Variants in RCAN2 observed in about 807,000 individuals in gnomAD.
The protein encoded by RCAN2 is regulator of calcineurin 2, also known as calcipressin-2.
A neutral mutation model predicts 23.6 loss-of-function variants in RCAN2; 9 were observed. The observed-to-expected ratio is 0.38, with a 90% CI of 0.23 to 0.67. The LOEUF is 0.67. RCAN2 is among the 30% of genes least tolerant of loss of function. The pLI, the probability that RCAN2 is intolerant of heterozygous loss-of-function variation, is 0.51. For missense variants in RCAN2, 273 were observed against 302.3 expected (o/e 0.90, Z 0.72); for synonymous variants, 109 against 115.7 (o/e 0.94, Z 0.37).
intron 2 of RCAN2, among the ~76,000 whole-genome samples, chr6:46,334,646 G>A (rs941651514): frequency 6.6e-6 from 1 of 152,140 alleles, no homozygotes; most frequent in East Asian, 1.9e-4. Flanking sequence ...CACATTCTCC[G>A]CATTGTGTAG....
chr6:46,378,943 C>A (rs544547180), intron 2 of RCAN2, among the ~76,000 whole-genome samples: 1 of 152,144 alleles, frequency 6.6e-6, no homozygotes, highest in Non-Finnish European at 1.5e-5. Context: ...GGTTCTGAAC[C>A]TAACATGCAC....
chr6:46,458,566 A>G (rs1295887588), intron 1 of RCAN2, among the ~76,000 whole-genome samples: 1 of 152,138 alleles, frequency 6.6e-6, no homozygotes, highest in Non-Finnish European at 1.5e-5. Flanking sequence ...GCGCATTTCC[A>G]TATTTAAATC....
At chr6:46,346,652 A>C (rs1305701899) in intron 2 of RCAN2, among the ~76,000 whole-genome samples, 1 of 152,100 alleles carries the variant, frequency 6.6e-6, no homozygotes, top group East Asian at 1.9e-4. Flanking sequence ...TTATATAGTC[A>C]GATCCTGTTA....
intron 2 of RCAN2, among the ~76,000 whole-genome samples, chr6:46,257,810 T>A (rs1321901578): frequency 6.6e-6 from 1 of 152,128 alleles, no homozygotes; most frequent in Non-Finnish European, 1.5e-5. Flanking sequence ...GTCACACAAC[T>A]AGCCAGTTAG....
intron 2 of RCAN2, among the ~76,000 whole-genome samples, chr6:46,270,305 T>C (rs1366895882): frequency 1.3e-5 from 2 of 152,180 alleles, no homozygotes; most frequent in South Asian, 2.1e-4. Flanking sequence ...GGGACCTTGC[T>C]GAGGGGCAAT....
At position 46,249,313 on chromosome 6, in the gene RCAN2, CTTTCTT is replaced by C. The variant is rs1464204000; in HGVS notation, c.226-423_226-418del. The stretch of plus-strand genomic sequence containing the variant: ...GGGGCACTTTTCTTTTTCTTTCTTT[CTTTCTT>C]TTTTTTTTTTTTTTTTTTAGACAGA... On this transcript the variant is annotated intron_variant, in intron 2 of 4. Transcript: ENST00000371374. Among the ~76,000 whole-genome samples the C allele has an allele frequency of 3.4e-3, 399 of 118,728 alleles. 2 individuals carry two copies. The highest frequency in any genetic ancestry group is 0.022 in the South Asian group (77 of 3,580). 77.9% of individuals were successfully genotyped at this position (118,728 alleles called of 152,430 possible).
chr6:46,472,951 C>T (rs150705795), intron 1 of RCAN2, among the ~76,000 whole-genome samples: 6 of 152,108 alleles, frequency 3.9e-5, no homozygotes, highest in Non-Finnish European at 5.9e-5. Context: ...TAGCTCAGAG[C>T]GAGAAAAAGT....
intron 2 of RCAN2, among the ~76,000 whole-genome samples, chr6:46,345,630 A>G (rs956719028): frequency 6.6e-6 from 1 of 152,110 alleles, no homozygotes; most frequent in Non-Finnish European, 1.5e-5. Context: ...GGTCAAAACT[A>G]TTTTCAAAAT....
intron 2 of RCAN2, among the ~76,000 whole-genome samples, chr6:46,288,610 G>A (rs1473215493): frequency 6.6e-6 from 1 of 152,260 alleles, no homozygotes; most frequent in Non-Finnish European, 1.5e-5. Flanking sequence ...TGAAGAAATA[G>A]AGAAGCAGAA....
intron 1 of RCAN2, among the ~76,000 whole-genome samples, chr6:46,471,645 C>A (rs1768560706): frequency 6.6e-6 from 1 of 151,980 alleles, no homozygotes; most frequent in African/African-American, 2.4e-5. Flanking sequence ...GCAGTTGGTG[C>A]CATGAGTTCA....
At chr6:46,315,637 G>C (rs1268285788) in intron 2 of RCAN2, among the ~76,000 whole-genome samples, 3 of 152,202 alleles carry the variant, frequency 2.0e-5, no homozygotes, top group Non-Finnish European at 4.4e-5. Context: ...GAGGGCCACA[G>C]CAAGGATTGG....
intron 2 of RCAN2, among the ~76,000 whole-genome samples, chr6:46,302,946 AG>A (rs1561849855): frequency 6.6e-6 from 1 of 152,014 alleles, no homozygotes; most frequent in African/African-American, 2.4e-5. Flanking sequence ...TTCAAACCCA[AG>A]TGGGGCTGAC....
chr6:46,345,048 A>C lies in RCAN2; in HGVS notation c.226-96152T>G, dbSNP rs145472775. 6.4e-3 allele frequency among the ~76,000 whole-genome samples: 978 copies of C among 152,214 alleles called. 6 individuals carry two copies. The highest frequency in any genetic ancestry group is 0.011 in the Admixed American group (167 of 15,298). Reference sequence around the variant, plus strand: ...AAACATATTTTAAATCTAAAGACACAGACTGGTTGAAAGTAAAAATTAGAA... The same window carrying C: ...AAACATATTTTAAATCTAAAGACACCGACTGGTTGAAAGTAAAAATTAGAA... On this transcript the variant is annotated intron_variant, in intron 2 of 4. Transcript: ENST00000371374.
At chr6:46,243,833 C>CAAAAAAAA (rs1561823994) in intron 4 of RCAN2, among the ~76,000 whole-genome samples, 1 of 126,306 alleles carries the variant, frequency 7.9e-6, no homozygotes, top group Admixed American at 8.4e-5. Context: ...AAAAAAAAAA[C>CAAAAAAAA]CAAGAAATAA....
intron 1 of RCAN2, among the ~76,000 whole-genome samples, chr6:46,461,389 C>T (rs891210906): frequency 6.6e-6 from 1 of 152,034 alleles, no homozygotes; most frequent in Non-Finnish European, 1.5e-5. Context: ...GTTTCCATCA[C>T]CTTATGCATG....
intron 2 of RCAN2, among the ~76,000 whole-genome samples, chr6:46,449,327 G>T (rs1244689083): frequency 1.3e-5 from 2 of 151,402 alleles, no homozygotes; most frequent in Admixed American, 6.6e-5. Flanking sequence ...ATCTGAAGAA[G>T]ACACAATAAA....
intron 2 of RCAN2, among the ~76,000 whole-genome samples, chr6:46,364,486 C>T (rs1188868072): frequency 6.6e-6 from 1 of 152,120 alleles, no homozygotes; most frequent in Non-Finnish European, 1.5e-5. Context: ...TCCAATACTA[C>T]CTAGCCTGTG....
intron 1 of RCAN2, among the ~76,000 whole-genome samples, chr6:46,475,979 T>A (rs1205646289): frequency 6.6e-6 from 1 of 152,124 alleles, no homozygotes; most frequent in African/African-American, 2.4e-5. Context: ...AAGCCAAAGA[T>A]GGAACATGTA....
intron 2 of RCAN2, among the ~76,000 whole-genome samples, chr6:46,399,847 T>C (rs766325014): frequency 5.9e-5 from 9 of 152,160 alleles, no homozygotes; most frequent in Non-Finnish European, 1.3e-4. Flanking sequence ...CTTAATTATA[T>C]TTGCAAAGAC....
Sources: allele counts gnomAD v4.1 joint callset (sites outside exome capture counted in the v4.1 genomes callset), GRCh38; gene constraint gnomAD v4.1.1; transcripts MANE v1.5; gene names NCBI Gene and HGNC (gene_info 2026-07-23, HGNC 2026-07-21).